Variants in BCL10 observed in about 807,000 individuals in gnomAD.
BCL10 encodes BCL10 immune signaling adaptor.
BCL10 carries 5 observed loss-of-function variants against 19.2 expected under a neutral mutation model. That is an observed-to-expected ratio of 0.26 (90% confidence interval 0.14 to 0.55). BCL10 has a LOEUF of 0.55. BCL10 is among the 20% of genes least tolerant of loss of function. The pLI, the probability that BCL10 is intolerant of heterozygous loss-of-function variation, is 0.94. For synonymous variants in BCL10, 110 were observed against 98.8 expected (o/e 1.11, Z -0.67); for missense variants, 201 against 271.9 (o/e 0.74, Z 1.83).
chr1:85,267,505 G>T lies in BCL10; in HGVS notation c.*122C>A. 1.3e-6 allele frequency: 1 copy of T among 780,908 alleles called. No homozygotes were observed. Among genetic ancestry groups the T allele is most frequent in the Non-Finnish European group, 2.0e-6 (1 of 503,512 alleles). The allele number at this position is 780,908 out of a possible 1,614,324, so 48.4% of individuals were successfully genotyped here. On this transcript the variant is annotated 3_prime_UTR_variant, in exon 3 of 3. Transcript: ENST00000648566. ...TCTAAAAATCCTATTTACAAAGTAT[G>T]CTTACATTGCATTTTAAAAGACATG...
chr1:85,267,820 G>T lies in BCL10; in HGVS notation c.509C>A (p.Ser170Tyr). The T allele has an allele frequency of 6.2e-7, 1 of 1,614,210 alleles. No individual in the cohort carries two copies. Among genetic ancestry groups the T allele is most frequent in the Non-Finnish European group, 8.5e-7 (1 of 1,180,036 alleles). The change falls in exon 3 of 3, where the codon TCT becomes TAT. Residue 170 changes from serine to tyrosine, a missense_variant. Coordinates refer to ENST00000648566, the MANE Select transcript of BCL10 (RefSeq NM_003921.5). ...TTCTAGAACAGGCAAATTCAGAGAA[G>T]AATTAGTAGAAAAAAAGGGCGTCGT... ...SSTTPFFSTN[S>Y]SLNLPVLEVG... is the part of the protein sequence containing the mutation.
chr1:85,276,399 T>C lies in BCL10; in HGVS notation c.-47A>G. 2.5e-6 allele frequency: 4 copies of C among 1,601,726 alleles called. No homozygotes were observed. Among genetic ancestry groups the C allele is most frequent in the Non-Finnish European group, 3.4e-6 (4 of 1,169,682 alleles). On this transcript the variant is annotated 5_prime_UTR_variant, in exon 1 of 3. Coordinates refer to ENST00000648566, the MANE Select transcript of BCL10 (RefSeq NM_003921.5). ...TTCTTCCGGGTCCGGGAGCTCGGGCTGCGCCGCCCCGCCCTGGCTGGGGGC... is the reference window on the plus strand; with the variant it reads ...TTCTTCCGGGTCCGGGAGCTCGGGCCGCGCCGCCCCGCCCTGGCTGGGGGC...
In BCL10 at chr1:85,270,936, AT is replaced by A. The variant is rs752665215; in HGVS notation, c.58-31del. ...AAGACATAAAATATGGTTCAATGTT[AT>A]TTTTAACATCTAAGAAAATCACATA... On this transcript the variant is annotated intron_variant, in intron 1 of 2. Transcript: ENST00000648566. 9.5e-6 allele frequency: 15 copies of A among 1,576,022 alleles called. No homozygotes were observed. The South Asian group carries it at 1.7e-4, about 18-fold the overall frequency.
intron 2 of BCL10, among the ~76,000 whole-genome samples, chr1:85,268,699 C>G (rs868202939): frequency 1.7e-4 from 24 of 142,374 alleles, no homozygotes; most frequent in African/African-American, 6.4e-4. Context: ...ACCTGGGAGG[C>G]AGAGGTTGCA....
At position 85,276,397 on chromosome 1, in the gene BCL10, G is replaced by T. The variant is rs755915571; in HGVS notation, c.-45C>A. ...GCTTCTTCCGGGTCCGGGAGCTCGG[G>T]CTGCGCCGCCCCGCCCTGGCTGGGG... On this transcript the variant is annotated 5_prime_UTR_variant, in exon 1 of 3. Coordinates refer to ENST00000648566, the MANE Select transcript of BCL10 (RefSeq NM_003921.5). 1.9e-6 allele frequency: 3 copies of T among 1,605,732 alleles called. No homozygotes were observed. In the Admixed American group the frequency reaches 5.0e-5, roughly 27 times the overall value.
At position 85,267,795 on chromosome 1, in the gene BCL10, T is replaced by G. The variant is rs934420766; in HGVS notation, c.534A>C (p.Glu178Asp). The stretch of plus-strand genomic sequence containing the variant: ...AGATGGTATTTTCAGTTCTGCCTAC[T>G]TCTAGAACAGGCAAATTCAGAGAAG... ...TNSSLNLPVL[E>D]VGRTENTIFS... The change falls in exon 3 of 3, where the codon GAA (glutamate) becomes GAC (aspartate). Residue 178 changes from glutamate (E) to aspartate (D), a missense_variant. Coordinates refer to ENST00000648566, the MANE Select transcript of BCL10 (RefSeq NM_003921.5). The G allele has an allele frequency of 1.2e-6, 2 of 1,614,098 alleles. No homozygotes were observed. The highest frequency in any genetic ancestry group is 2.7e-5 in the African/African-American group (2 of 74,932).
rs927242885 is a variant in BCL10, at chr1:85,265,804, T to G, written c.*1823A>C. On this transcript the variant is annotated 3_prime_UTR_variant, in exon 3 of 3. Coordinates refer to ENST00000648566, the MANE Select transcript of BCL10 (RefSeq NM_003921.5). ...ATGCAAAGCTTAATTTTATTGTCTA[T>G]GTAGTTAGAAAACAGTCTGAAAGAA... 5.9e-5 allele frequency among the ~76,000 whole-genome samples: 9 copies of G among 152,218 alleles called. No homozygotes were observed. Among genetic ancestry groups the G allele is most frequent in the Admixed American group, 1.3e-4 (2 of 15,290 alleles).
intron 2 of BCL10, among the ~76,000 whole-genome samples, chr1:85,268,327 AC>A (rs1308977363): frequency 6.6e-6 from 1 of 152,256 alleles, no homozygotes; most frequent in East Asian, 1.9e-4. Context: ...GTATTCTGGT[AC>A]AAAAAATATT....
Position 85,276,344 on chromosome 1 carries a change from G to A in BCL10, c.9C>T (p.Pro3=), listed in dbSNP as rs201883949. ...CCTCCTCGGTGAGGGACGGTGCGGTGGGCTCCATGGTGGAGGCGGGAGATG... is the reference window on the plus strand; with the variant it reads ...CCTCCTCGGTGAGGGACGGTGCGGTAGGCTCCATGGTGGAGGCGGGAGATG... ME[P]TAPSLTEEDL... is the part of the protein sequence containing the mutation. Residue 3 remains proline, a synonymous_variant, in exon 1 of 3, where the codon CCC becomes CCT. Coordinates refer to ENST00000648566, the MANE Select transcript of BCL10 (RefSeq NM_003921.5). 2 of 1,613,572 alleles carry A rather than the reference G, an allele frequency of 1.2e-6. No individual in the cohort carries two copies. The highest frequency in any genetic ancestry group is 1.3e-5 in the African/African-American group (1 of 75,044).
At chr1:85,268,069 G>A in intron 2 of BCL10, 87 bp from the exon 3 acceptor site, 1 of 823,828 alleles carries the variant, frequency 1.2e-6, no homozygotes, top group Non-Finnish European at 1.8e-6. Context: ...AAGATTACAA[G>A]CTAGTTACCC....
chr1:85,270,528 C>T, intron 2 of BCL10, 90 bp downstream of exon 2: 1 of 1,189,278 alleles, frequency 8.4e-7, no homozygotes, highest in Non-Finnish European at 1.2e-6. Context: ...CCTGCCTTGG[C>T]CTCCTAAAGT....
intron 1 of BCL10, among the ~76,000 whole-genome samples, chr1:85,274,973 T>C (rs1660475761): frequency 6.6e-6 from 1 of 152,248 alleles, no homozygotes; most frequent in African/African-American, 2.4e-5. Flanking sequence ...TCTGTACTTG[T>C]ATACAGATCT....
intron 1 of BCL10, among the ~76,000 whole-genome samples, chr1:85,275,890 A>C (rs1660510239): frequency 6.6e-6 from 1 of 152,178 alleles, no homozygotes. Flanking sequence ...ACTGCTTGGG[A>C]TCCTTCACCT....
At chr1:85,272,844 C>G (rs1660404395) in intron 1 of BCL10, among the ~76,000 whole-genome samples, 1 of 152,154 alleles carries the variant, frequency 6.6e-6, no homozygotes. Flanking sequence ...CACGCATAGT[C>G]TCTGTACACA....
chr1:85,270,099 T>A (rs1000997882), intron 2 of BCL10, among the ~76,000 whole-genome samples: 7 of 152,260 alleles, frequency 4.6e-5, no homozygotes, highest in Admixed American at 1.3e-4. Context: ...CAAATCCTTA[T>A]GTATGCAGGG....
chr1:85,265,974 TTTTC>T lies in BCL10; in HGVS notation c.*1649_*1652del, dbSNP rs765308234. ...AAGCACCTTCCTTAAATGTAACCTA[TTTTC>T]TTTCTAACACCACTATTTTTGCTAT... On this transcript the variant is annotated 3_prime_UTR_variant, in exon 3 of 3. Coordinates refer to ENST00000648566, the MANE Select transcript of BCL10 (RefSeq NM_003921.5). Among the ~76,000 whole-genome samples, 5 of 152,340 alleles carry T rather than the reference TTTTC, an allele frequency of 3.3e-5. No homozygotes were observed. The highest frequency in any genetic ancestry group is 4.8e-5 in the African/African-American group (2 of 41,582).
At position 85,266,855 on chromosome 1, in the gene BCL10, G is replaced by C. The variant is rs1380588932; in HGVS notation, c.*772C>G. 26 of 172,818 alleles carry C rather than the reference G, an allele frequency of 1.5e-4. 1 individual carries two copies. In the East Asian group the frequency reaches 2.3e-3, roughly 15 times the overall value. 10.7% of individuals were successfully genotyped at this position (172,818 alleles called of 1,614,324 possible). ...GAATGCGCCACTGCACTCCAGCCTG[G>C]GCGATAGAGCAAGACTGTCTCAAAA... On this transcript the variant is annotated 3_prime_UTR_variant, in exon 3 of 3. Coordinates refer to ENST00000648566, the MANE Select transcript of BCL10 (RefSeq NM_003921.5).
intron 1 of BCL10, 92 bp downstream of exon 1, chr1:85,276,204 C>G (rs757026038): frequency 2.7e-6 from 4 of 1,495,440 alleles, no homozygotes; most frequent in Non-Finnish European, 3.7e-6. Flanking sequence ...CCTGGAGGAT[C>G]CTCCTTGTCC....
intron 1 of BCL10, among the ~76,000 whole-genome samples, chr1:85,273,934 CT>C (rs1660436239): frequency 6.6e-6 from 1 of 152,236 alleles, no homozygotes; most frequent in Non-Finnish European, 1.5e-5. Flanking sequence ...ATGAAAATGG[CT>C]CTAGCCCACC....
Sources: gnomAD v4.1 joint callset for allele counts (sites outside exome capture counted in the v4.1 genomes callset) on GRCh38, gnomAD v4.1.1 for gene constraint, MANE v1.5 for transcripts, NCBI Gene and HGNC (gene_info 2026-07-23, HGNC 2026-07-21) for gene names.